The following NELL2 variants were observed in gnomAD, a reference collection of about 807,000 sequenced individuals.
NELL2 encodes protein kinase C-binding protein NELL2.
Under a neutral mutation model 109.6 loss-of-function variants are expected in NELL2, and 41 were observed. The ratio of observed to expected loss-of-function variants is 0.37; its 90% CI spans 0.29 to 0.49. The LOEUF (loss-of-function observed/expected upper bound fraction) is 0.49, where lower values mean the gene tolerates loss of function less well. NELL2 is among the 20% of genes least tolerant of loss of function. NELL2 has a pLI of 0.98. For synonymous variants in NELL2, 355 were observed against 344.7 expected (o/e 1.03, Z -0.33); for missense variants, 900 against 1,008.3 (o/e 0.89, Z 1.45).
At chr12:44,637,668 G>A (rs556332784) in intron 13 of NELL2, among the ~76,000 whole-genome samples, 3 of 150,458 alleles carry the variant, frequency 2.0e-5, no homozygotes, top group African/African-American at 4.9e-5. Flanking sequence ...AAAGCCTCAC[G>A]TCTCTGAGAA....
At chr12:44,793,993 T>C (rs1042700666) in intron 3 of NELL2, among the ~76,000 whole-genome samples, 13 of 152,302 alleles carry the variant, frequency 8.5e-5, no homozygotes, top group African/African-American at 3.1e-4. Flanking sequence ...TCATATTCAC[T>C]TCAGGAAATC....
chr12:44,673,382 T>A (rs148655136), intron 12 of NELL2, among the ~76,000 whole-genome samples: 2 of 152,346 alleles, frequency 1.3e-5, no homozygotes, highest in East Asian at 3.9e-4. Flanking sequence ...TTCAATTCTC[T>A]ACACATTCAC....
intron 9 of NELL2, among the ~76,000 whole-genome samples, chr12:44,745,248 A>G (rs1052725287): frequency 1.3e-5 from 2 of 150,384 alleles, no homozygotes; most frequent in Admixed American, 6.6e-5. Flanking sequence ...ACAAAATTCA[A>G]CAACCTTCAT....
intron 9 of NELL2, among the ~76,000 whole-genome samples, chr12:44,748,467 T>C (rs79943845): frequency 8.8e-4 from 134 of 152,270 alleles, no homozygotes; most frequent in Non-Finnish European, 1.6e-3. Context: ...ATCTAATGTA[T>C]TCAACAGACT....
intron 2 of NELL2, among the ~76,000 whole-genome samples, chr12:44,856,533 G>A (rs1021118705): frequency 6.6e-6 from 1 of 152,120 alleles, no homozygotes; most frequent in East Asian, 1.9e-4. Context: ...TGAGAAAAAC[G>A]TTTGAAAGAA....
intron 12 of NELL2, among the ~76,000 whole-genome samples, chr12:44,700,145 C>T (rs898554802): frequency 1.3e-5 from 2 of 152,138 alleles, no homozygotes; most frequent in East Asian, 3.9e-4. Context: ...TGGGAATCAA[C>T]CTCTAAACCT....
At chr12:44,668,650 G>C (rs1236898566) in intron 12 of NELL2, among the ~76,000 whole-genome samples, 1 of 152,050 alleles carries the variant, frequency 6.6e-6, no homozygotes, top group South Asian at 2.1e-4. Context: ...CGCCATGCCT[G>C]CTGCCACTGG....
At chr12:44,578,895 C>A (rs1473754536) in intron 15 of NELL2, among the ~76,000 whole-genome samples, 1 of 152,140 alleles carries the variant, frequency 6.6e-6, no homozygotes, top group Non-Finnish European at 1.5e-5. Context: ...CCTTCAAAAG[C>A]CTACTTTCTC....
At chr12:44,555,968 T>C (rs1943237470) in intron 15 of NELL2, among the ~76,000 whole-genome samples, 1 of 152,180 alleles carries the variant, frequency 6.6e-6, no homozygotes, top group East Asian at 1.9e-4. Context: ...CCAAGGTGCA[T>C]GCTGCCTTCA....
intron 15 of NELL2, among the ~76,000 whole-genome samples, chr12:44,574,183 A>G (rs1160030529): frequency 1.3e-5 from 2 of 151,898 alleles, no homozygotes; most frequent in African/African-American, 4.8e-5. Context: ...GGCTCACTGC[A>G]ACCTCCAGCC....
chr12:44,580,152 A>C (rs1944270561), intron 15 of NELL2, among the ~76,000 whole-genome samples: 1 of 152,128 alleles, frequency 6.6e-6, no homozygotes, highest in Non-Finnish European at 1.5e-5. Context: ...CTTTGTACCC[A>C]CTTCATTTTA....
At chr12:44,838,969 T>C (rs1424498191) in intron 2 of NELL2, among the ~76,000 whole-genome samples, 2 of 152,216 alleles carry the variant, frequency 1.3e-5, no homozygotes, top group African/African-American at 4.8e-5. Context: ...AAGCCTAGCT[T>C]CAGCATCTGA....
At chr12:44,878,378 G>A (rs1945373160), upstream of NELL2, among the ~76,000 whole-genome samples, 1 of 152,182 alleles carries the variant, frequency 6.6e-6, no homozygotes, top group African/African-American at 2.4e-5. Context: ...TAAGGTATAA[G>A]GTTTGGAAAC....
intron 15 of NELL2, among the ~76,000 whole-genome samples, chr12:44,602,145 T>C (rs1945245286): frequency 6.6e-6 from 1 of 152,216 alleles, no homozygotes; most frequent in Admixed American, 6.5e-5. Context: ...CATTGGTATC[T>C]ACACCCCTAA....
At chr12:44,778,532 G>T (rs949152623) in intron 5 of NELL2, among the ~76,000 whole-genome samples, 1 of 152,128 alleles carries the variant, frequency 6.6e-6, no homozygotes, top group African/African-American at 2.4e-5. Flanking sequence ...TTGACATGTG[G>T]AGATTTTGAG....
intron 2 of NELL2, among the ~76,000 whole-genome samples, chr12:44,826,343 T>C (rs902450588): frequency 2.0e-5 from 3 of 152,190 alleles, no homozygotes; most frequent in Non-Finnish European, 4.4e-5. Flanking sequence ...AGATTATCAT[T>C]TTTTTTCAGT....
chr12:44,783,868 A>C (rs1274520248), intron 3 of NELL2, among the ~76,000 whole-genome samples: 1 of 152,060 alleles, frequency 6.6e-6, no homozygotes, highest in Admixed American at 6.6e-5. Flanking sequence ...AAGATAGTAC[A>C]AAAAAGTAAA....
At chr12:44,740,118 T>C (rs1939871860) in intron 9 of NELL2, among the ~76,000 whole-genome samples, 1 of 152,176 alleles carries the variant, frequency 6.6e-6, no homozygotes. Flanking sequence ...CAAAACATAG[T>C]AATCCAGTTC....
chr12:44,555,921 A>C (rs764443469), intron 15 of NELL2, among the ~76,000 whole-genome samples: 1 of 152,160 alleles, frequency 6.6e-6, no homozygotes, highest in Non-Finnish European at 1.5e-5. Flanking sequence ...TGGGAAATAA[A>C]GCTATGAAGG....
Sources: allele counts gnomAD v4.1 joint callset (sites outside exome capture counted in the v4.1 genomes callset), GRCh38; gene constraint gnomAD v4.1.1; transcripts MANE v1.5; gene names NCBI Gene and HGNC (gene_info 2026-07-23, HGNC 2026-07-21).